The following CCDC112 variants were observed in gnomAD, a reference collection of about 807,000 sequenced individuals.
The protein encoded by CCDC112 is coiled-coil domain containing 112.
In CCDC112, 40 loss-of-function variants were observed where a neutral mutation model predicts 66.3. The observed-to-expected ratio is 0.60, with a 90% CI of 0.47 to 0.79. The LOEUF (loss-of-function observed/expected upper bound fraction) is 0.79, where lower values mean the gene tolerates loss of function less well. CCDC112 is among the 30% of genes least tolerant of loss of function. The probability of loss-of-function intolerance (pLI) is 0.00; values close to 1 mark genes in which losing one functional copy is unlikely to be tolerated. For missense variants in CCDC112, 659 were observed against 603.8 expected (o/e 1.09, Z -0.96); for synonymous variants, 214 against 197.2 (o/e 1.09, Z -0.71).
chr5:115,274,122 A>C (rs1749107278), intron 6 of CCDC112, among the ~76,000 whole-genome samples: 1 of 152,204 alleles, frequency 6.6e-6, no homozygotes, highest in South Asian at 2.1e-4. Flanking sequence ...AAAAGAAAAA[A>C]AAGACTCTGA....
chr5:115,279,829 T>C lies in CCDC112; in HGVS notation c.240-61A>G, dbSNP rs557660168. The C allele has an allele frequency of 2.6e-4, 228 of 893,054 alleles. No individual in the cohort carries two copies. In the African/African-American group the frequency reaches 3.6e-3, roughly 14 times the overall value. 55.3% of individuals were successfully genotyped at this position (893,054 alleles called of 1,614,324 possible). On this transcript the variant is annotated intron_variant, in intron 2 of 9. Coordinates refer to ENST00000379611, the MANE Select transcript of CCDC112 (RefSeq NM_001040440.3). ...TAAATATATTTTTAATAGTTTAAAATATGAAGACACTCAATAATCCGTATT... is the reference window on the plus strand; with the variant it reads ...TAAATATATTTTTAATAGTTTAAAACATGAAGACACTCAATAATCCGTATT...
intron 7 of CCDC112, 104 bp from the exon 8 acceptor site, chr5:115,269,902 C>A: frequency 1.6e-6 from 1 of 642,892 alleles, no homozygotes; most frequent in Non-Finnish European, 2.6e-6. Context: ...TATCAATATT[C>A]CTTCAATATT....
intron 6 of CCDC112, among the ~76,000 whole-genome samples, chr5:115,273,368 G>A (rs919234637): frequency 2.0e-5 from 3 of 152,176 alleles, no homozygotes; most frequent in African/African-American, 7.2e-5. Flanking sequence ...AAGGAAGTGG[G>A]AGATAAAAAT....
In CCDC112 at chr5:115,267,298, G is replaced by C. The variant is rs1422787049; in HGVS notation, c.*578C>G. On this transcript the variant is annotated 3_prime_UTR_variant, in exon 10 of 10. Coordinates refer to ENST00000379611, the MANE Select transcript of CCDC112 (RefSeq NM_001040440.3). ...GATTATATCAATAATACAATTAATAGGGTATATGAGAGACATATTTTTAAA... is the reference window on the plus strand; with the variant it reads ...GATTATATCAATAATACAATTAATACGGTATATGAGAGACATATTTTTAAA... The C allele has an allele frequency of 6.6e-6, 1 of 152,190 alleles. No individual in the cohort carries two copies. Among genetic ancestry groups the C allele is most frequent in the Non-Finnish European group, 1.5e-5 (1 of 68,070 alleles). The allele number at this position is 152,190 out of a possible 1,614,324, so 9.4% of individuals were successfully genotyped here.
At chr5:115,269,679 G>C in intron 8 of CCDC112, 24 bp downstream of exon 8, 1 of 1,488,230 alleles carries the variant, frequency 6.7e-7, no homozygotes, top group Non-Finnish European at 9.2e-7. Flanking sequence ...TAATAACAAT[G>C]AAAATAATCT....
chr5:115,269,774 T>G lies in CCDC112; in HGVS notation c.1357A>C (p.Ile453Leu). 1.3e-6 allele frequency: 2 copies of G among 1,589,850 alleles called. No individual in the cohort carries two copies. The highest frequency in any genetic ancestry group is 1.7e-6 in the Non-Finnish European group (2 of 1,171,614). ...ERDLHKLELK[I>L]LDRQAKEDEK... ...TCTTCCTTTGCCTGTCTATCTAGAA[T>G]TTTCAGTTCAAGTTTATGTAAATCC... Residue 453 changes from isoleucine (I) to leucine (L), a missense_variant, in exon 8 of 10, where the codon ATT (isoleucine) becomes CTT (leucine). Coordinates refer to ENST00000379611, the MANE Select transcript of CCDC112 (RefSeq NM_001040440.3).
Position 115,267,767 on chromosome 5 carries a change from A to T in CCDC112, c.*109T>A. On this transcript the variant is annotated 3_prime_UTR_variant, in exon 10 of 10. Coordinates refer to ENST00000379611, the MANE Select transcript of CCDC112 (RefSeq NM_001040440.3). ...CTCTCAATTCACAATATAGCACAAT[A>T]ATCAATCTGACTAAGCTATTGATAT... The T allele has an allele frequency of 2.3e-6, 2 of 876,922 alleles. No homozygotes were observed. Among genetic ancestry groups the T allele is most frequent in the Non-Finnish European group, 3.8e-6 (2 of 523,030 alleles). The allele number at this position is 876,922 out of a possible 1,614,324, so 54.3% of individuals were successfully genotyped here.
rs772524835 is a variant in CCDC112 at position 115,267,887 on chromosome 5, T to G, written c.1579A>C (p.Arg527=). The change falls in exon 10 of 10, where the codon AGA becomes CGA. Residue 527 remains arginine, a synonymous_variant. Coordinates refer to ENST00000379611, the MANE Select transcript of CCDC112 (RefSeq NM_001040440.3). ...AIPTWRQGIQ[R]RV The stretch of plus-strand genomic sequence containing the variant: ...GCAATTTGATTATCTCATACTCTTC[T>G]CTGTATTCCTTGTCTCCAGGTTGGA... The G allele has an allele frequency of 1.2e-6, 2 of 1,611,418 alleles. No homozygotes were observed. The highest frequency in any genetic ancestry group is 3.3e-5 in the Admixed American group (2 of 60,016).
At chr5:115,272,060 G>T (rs1394292252) in intron 6 of CCDC112, among the ~76,000 whole-genome samples, 1 of 151,940 alleles carries the variant, frequency 6.6e-6, no homozygotes, top group Non-Finnish European at 1.5e-5. Flanking sequence ...AAAAAGCTGG[G>T]ATTATAGGCA....
At chr5:115,292,539 C>G (rs761457803) in intron 1 of CCDC112, among the ~76,000 whole-genome samples, 5 of 152,170 alleles carry the variant, frequency 3.3e-5, no homozygotes, top group Non-Finnish European at 7.3e-5. Context: ...ATGTGTGAAC[C>G]ATACTTTCTT....
At chr5:115,269,119 T>C in intron 8 of CCDC112, 119 bp from the exon 9 acceptor site, 1 of 514,466 alleles carries the variant, frequency 1.9e-6, no homozygotes, top group Non-Finnish European at 3.4e-6. Context: ...ATAAAACCAT[T>C]AATAACCTCA....
chr5:115,273,452 C>A (rs1184695531), intron 6 of CCDC112, among the ~76,000 whole-genome samples: 1 of 152,206 alleles, frequency 6.6e-6, no homozygotes, highest in Non-Finnish European at 1.5e-5. Flanking sequence ...CTCCAAACTT[C>A]CCTTTCCTCC....
Position 115,296,630 on chromosome 5 carries a change from C to A in CCDC112, c.-87G>T. 7.5e-7 allele frequency: 1 copy of A among 1,328,342 alleles called. No homozygotes were observed. Among genetic ancestry groups the A allele is most frequent in the Non-Finnish European group, 9.7e-7 (1 of 1,035,458 alleles). The allele number at this position is 1,328,342 out of a possible 1,614,324, so 82.3% of individuals were successfully genotyped here. A position where few individuals can be genotyped will look rare whatever the true frequency, so the allele number is the denominator to read the frequency against. ...GCACCCTGGCCTCTGCAGACAGCTC[C>A]CTGCGCTGCGGGCTTGGCCGGGATG... On this transcript the variant is annotated 5_prime_UTR_variant, in exon 1 of 10. Transcript: ENST00000379611.
In CCDC112 at chr5:115,277,073, C is replaced by A. The variant is rs1317412133; in HGVS notation, c.362-19G>T. On this transcript the variant is annotated intron_variant, in intron 3 of 9. Transcript: ENST00000379611. The stretch of plus-strand genomic sequence containing the variant: ...TTTGCTCCTATAAGAAAGAAGTATG[C>A]ACTTTAAAATAATTCTGTGACAAAT... 1.4e-6 allele frequency: 2 copies of A among 1,399,128 alleles called. No individual in the cohort carries two copies. Among genetic ancestry groups the A allele is most frequent in the Admixed American group, 1.7e-5 (1 of 59,200 alleles). The allele number at this position is 1,399,128 out of a possible 1,614,324, so 86.7% of individuals were successfully genotyped here.
Position 115,267,724 on chromosome 5 carries a change from C to T in CCDC112, c.*152G>A. On this transcript the variant is annotated 3_prime_UTR_variant, in exon 10 of 10. Transcript: ENST00000379611. The stretch of plus-strand genomic sequence containing the variant: ...AGAAGCAGGAATACTAATGACAAAG[C>T]CTCATGAAACTTAATACCTCTCAAT... 1.3e-5 allele frequency: 9 copies of T among 673,636 alleles called. No individual in the cohort carries two copies. The South Asian group carries it at 1.6e-4, about 12-fold the overall frequency. The allele number at this position is 673,636 out of a possible 1,614,324, so 41.7% of individuals were successfully genotyped here. A position where few individuals can be genotyped will look rare whatever the true frequency, so the allele number is the denominator to read the frequency against.
chr5:115,280,083 T>C (rs1366123449), intron 2 of CCDC112, among the ~76,000 whole-genome samples: 9 of 152,196 alleles, frequency 5.9e-5, no homozygotes, highest in Admixed American at 5.9e-4. Context: ...TCAATCTCAC[T>C]GGAGCCTGAA....
chr5:115,275,694 T>A, intron 5 of CCDC112, 88 bp from the exon 6 acceptor site: 1 of 913,884 alleles, frequency 1.1e-6, no homozygotes, highest in Non-Finnish European at 1.6e-6. Flanking sequence ...TGACTCTTTA[T>A]ATCATCTTCT....
At position 115,275,979 on chromosome 5, in the gene CCDC112, G is replaced by T. The variant is rs778123386; in HGVS notation, c.527+15C>A. ...AAGGTCAATAATTTTATATTAAAAT[G>T]AGTTTAAAACATACATCAACCTCTG... On this transcript the variant is annotated intron_variant, in intron 5 of 9. Coordinates refer to ENST00000379611, the MANE Select transcript of CCDC112 (RefSeq NM_001040440.3). 3 of 1,524,496 alleles carry T rather than the reference G, an allele frequency of 2.0e-6. No homozygotes were observed. The highest frequency in any genetic ancestry group is 4.6e-5 in the East Asian group (2 of 43,874). 94.4% of individuals were successfully genotyped at this position (1,524,496 alleles called of 1,614,324 possible).
intron 2 of CCDC112, chr5:115,280,546 A>G (rs1749407614): frequency 6.6e-6 from 1 of 152,066 alleles, no homozygotes; most frequent in Admixed American, 6.6e-5. Flanking sequence ...AAAGAAATCA[A>G]TTCTCAAATT....
Sources: gnomAD v4.1 joint callset for allele counts (sites outside exome capture counted in the v4.1 genomes callset) on GRCh38, gnomAD v4.1.1 for gene constraint, MANE v1.5 for transcripts, NCBI Gene and HGNC (gene_info 2026-07-23, HGNC 2026-07-21) for gene names.